DIP2C: variants seen among roughly 807,000 people sequenced by gnomAD.
DIP2C encodes disco-interacting protein 2 homolog C.
DIP2C carries 33 observed loss-of-function variants against 192.4 expected under a neutral mutation model. The observed-to-expected ratio is 0.17, with a 90% CI of 0.13 to 0.23. The LOEUF (loss-of-function observed/expected upper bound fraction) is 0.23. Among genes scored for constraint, DIP2C ranks in the 10% least tolerant of loss-of-function variants. DIP2C has a pLI of 1.00. For synonymous variants in DIP2C, 979 were observed against 864.1 expected (o/e 1.13, Z -2.33); for missense variants, 1,537 against 2,110.1 (o/e 0.73, Z 5.32).
At chr10:298,586 G>A (rs1955872218) in intron 32 of DIP2C, among the ~76,000 whole-genome samples, 1 of 152,194 alleles carries the variant, frequency 6.6e-6, no homozygotes, top group Non-Finnish European at 1.5e-5. Context: ...GCCTCTGGGT[G>A]ACCAAGCCCA....
At chr10:579,244 T>C (rs1251689255) in intron 1 of DIP2C, among the ~76,000 whole-genome samples, 2 of 151,592 alleles carry the variant, frequency 1.3e-5, no homozygotes, top group African/African-American at 4.9e-5. Flanking sequence ...CGTACATAGG[T>C]ACACTAACAT....
intron 9 of DIP2C, among the ~76,000 whole-genome samples, chr10:406,846 T>A (rs1363760815): frequency 6.6e-6 from 1 of 152,048 alleles, no homozygotes; most frequent in East Asian, 1.9e-4. Flanking sequence ...GCTGGAGGTA[T>A]TCTGCAGACC....
At chr10:490,617 A>G (rs772914080) in intron 1 of DIP2C, among the ~76,000 whole-genome samples, 9 of 152,218 alleles carry the variant, frequency 5.9e-5, no homozygotes, top group Non-Finnish European at 1.2e-4. Context: ...GTAAAATTCC[A>G]AACAGCATAT....
chr10:519,607 T>TGG (rs1282055616), intron 1 of DIP2C, among the ~76,000 whole-genome samples: 1 of 152,190 alleles, frequency 6.6e-6, no homozygotes, highest in Non-Finnish European at 1.5e-5. Context: ...AGATGCACAG[T>TGG]GGGTGCAGCC....
At chr10:663,279 T>C (rs1262538529) in intron 1 of DIP2C, 1 of 212,046 alleles carries the variant, frequency 4.7e-6, no homozygotes, top group Non-Finnish European at 9.3e-6. Flanking sequence ...TGAAATAGGA[T>C]TGGGAAAGTA....
intron 4 of DIP2C, among the ~76,000 whole-genome samples, chr10:425,019 A>G (rs1019715265): frequency 7.0e-6 from 1 of 142,424 alleles, no homozygotes; most frequent in Non-Finnish European, 1.5e-5. Flanking sequence ...GGTGACTAAT[A>G]CGACACGGAT....
At chr10:346,576 G>A (rs1331673716) in intron 26 of DIP2C, among the ~76,000 whole-genome samples, 2 of 137,422 alleles carry the variant, frequency 1.5e-5, no homozygotes, top group African/African-American at 2.8e-5. Context: ...TAGTTCTCCT[G>A]GAAACCCCAC....
chr10:552,346 G>A (rs1039944163), intron 1 of DIP2C, among the ~76,000 whole-genome samples: 3 of 152,168 alleles, frequency 2.0e-5, no homozygotes, highest in African/African-American at 4.8e-5. Flanking sequence ...TTTCAGGAAC[G>A]GTGCTTGCTG....
chr10:444,847 G>A (rs916108639), intron 3 of DIP2C, among the ~76,000 whole-genome samples: 11 of 152,212 alleles, frequency 7.2e-5, no homozygotes, highest in African/African-American at 1.4e-4. Context: ...AGAGATTTAC[G>A]TTGTTTCCAG....
Position 363,322 on chromosome 10 carries a change from A to C in DIP2C, c.2478-11T>G, listed in dbSNP as rs1351005418. 1.1e-5 allele frequency: 17 copies of C among 1,608,750 alleles called. No homozygotes were observed. Among genetic ancestry groups the C allele is most frequent in the Non-Finnish European group, 1.4e-5 (17 of 1,179,104 alleles). On this transcript the variant is annotated splice_polypyrimidine_tract_variant and intron_variant, in intron 20 of 36. Coordinates refer to ENST00000280886, the MANE Select transcript of DIP2C (RefSeq NM_014974.3). The surrounding 1 kb of genome is among the most constrained non-coding windows in gnomAD (Gnocchi z 5.4). ...GAGAACACGGCTATCCTGCGGGGAC[A>C]CAGGAGCATGGTGAGCACGCGCCGG...
intron 1 of DIP2C, among the ~76,000 whole-genome samples, chr10:533,028 A>G (rs183989485): frequency 6.6e-5 from 10 of 152,204 alleles, no homozygotes; most frequent in South Asian, 2.1e-4. Context: ...CCTGGAATTG[A>G]TATTTCTTAA....
chr10:382,906 T>G (rs1329784065), intron 16 of DIP2C, 145 bp from the exon 17 acceptor site: 1 of 515,692 alleles, frequency 1.9e-6, no homozygotes, highest in Non-Finnish European at 3.3e-6. Context: ...AATTTATTAT[T>G]TATGTTACAC....
intron 32 of DIP2C, among the ~76,000 whole-genome samples, chr10:296,906 G>T (rs1427038305): frequency 5.1e-5 from 5 of 98,294 alleles, no homozygotes; most frequent in Admixed American, 2.9e-4. Flanking sequence ...GGGGAGGGGG[G>T]AGGGATAGCA....
chr10:484,628 T>C (rs941160770), intron 2 of DIP2C, among the ~76,000 whole-genome samples: 5 of 152,232 alleles, frequency 3.3e-5, no homozygotes, highest in African/African-American at 1.2e-4. Context: ...TGGCGAGCTC[T>C]GGGCCTGTGG....
chr10:683,919 G>A (rs1405086421), intron 1 of DIP2C, among the ~76,000 whole-genome samples: 3 of 152,220 alleles, frequency 2.0e-5, no homozygotes, highest in African/African-American at 4.8e-5. Context: ...TTGTAGCCTC[G>A]GAACCATAAC....
chr10:325,665 A>C (rs1194944068), intron 31 of DIP2C, among the ~76,000 whole-genome samples: 2 of 152,258 alleles, frequency 1.3e-5, no homozygotes, highest in Non-Finnish European at 1.5e-5. Context: ...AGGAACAGAA[A>C]AAGGTGAATA....
At chr10:377,210 T>C (rs1012143560) in intron 17 of DIP2C, among the ~76,000 whole-genome samples, 1 of 150,700 alleles carries the variant, frequency 6.6e-6, no homozygotes, top group Non-Finnish European at 1.5e-5. Context: ...AAAAACGGGA[T>C]CACACTATAT....
At chr10:600,121 G>A (rs1218648636) in intron 1 of DIP2C, among the ~76,000 whole-genome samples, 1 of 152,206 alleles carries the variant, frequency 6.6e-6, no homozygotes, top group African/African-American at 2.4e-5. Flanking sequence ...TGGGCACACA[G>A]AGACCCTGTA....
intron 3 of DIP2C, among the ~76,000 whole-genome samples, chr10:458,991 C>CAAAAAAAAAAAAA (rs35681631): frequency 9.7e-6 from 1 of 102,736 alleles, no homozygotes. Context: ...TCAACTTTTT[C>CAAAAAAAAAAAAA]AAAAAAAAAA....
Sources: allele counts gnomAD v4.1 joint callset (sites outside exome capture counted in the v4.1 genomes callset), GRCh38; gene constraint gnomAD v4.1.1; non-coding constraint Gnocchi (gnomAD v3.1); transcripts MANE v1.5; gene names NCBI Gene and HGNC (gene_info 2026-07-23, HGNC 2026-07-21).